Variants in IL1RAPL1 observed in about 807,000 individuals in gnomAD.
IL1RAPL1 encodes interleukin 1 receptor accessory protein like 1, also known as interleukin-1 receptor accessory protein-like 1.
In IL1RAPL1, 3 loss-of-function variants were observed where a neutral mutation model predicts 48.4. The ratio of observed to expected loss-of-function variants is 0.06; its 90% CI spans 0.03 to 0.16. The LOEUF (loss-of-function observed/expected upper bound fraction) is 0.16, where lower values mean the gene tolerates loss of function less well. Ranked by LOEUF, IL1RAPL1 falls within the 10% of genes least tolerant of loss-of-function variation. IL1RAPL1 has a pLI of 1.00. For missense variants in IL1RAPL1, 349 were observed against 530.6 expected (o/e 0.66, Z 3.36); for synonymous variants, 185 against 187.7 (o/e 0.99, Z 0.12).
intron 1 of IL1RAPL1, among the ~76,000 whole-genome samples, chrX:28,779,364 G>A (rs141589608): frequency 0.01 from 1,115 of 108,838 alleles, 18 homozygotes; most frequent in African/African-American, 0.036. Context: ...TGATGATAAT[G>A]TTATGGAAAT....
intron 2 of IL1RAPL1, among the ~76,000 whole-genome samples, chrX:29,258,700 A>G (rs1450828310): frequency 6.3e-5 from 7 of 111,069 alleles, no homozygotes; most frequent in Admixed American, 1.9e-4. Flanking sequence ...CTCTGTTAGC[A>G]TTTATGGGCT....
At chrX:29,673,689 C>G (rs755099889) in intron 6 of IL1RAPL1, among the ~76,000 whole-genome samples, 1 of 111,581 alleles carries the variant, frequency 9.0e-6, no homozygotes, top group South Asian at 3.7e-4. Context: ...ACCTTTTGGA[C>G]AAATAGACAT....
At chrX:29,338,662 G>A (rs934639312) in intron 3 of IL1RAPL1, among the ~76,000 whole-genome samples, 2 of 111,086 alleles carry the variant, frequency 1.8e-5, no homozygotes, top group Non-Finnish European at 3.8e-5. Context: ...GATATTATTA[G>A]TACTTTGTTT....
intron 2 of IL1RAPL1, among the ~76,000 whole-genome samples, chrX:29,263,858 TCTC>T (rs1427219602): frequency 8.2e-5 from 3 of 36,798 alleles, no homozygotes; most frequent in Middle Eastern, 0.015. Context: ...TCTCTCTCTC[TCTC>T]CCCCCCCCCC....
chrX:28,871,470 A>G (rs1434015058), intron 2 of IL1RAPL1, among the ~76,000 whole-genome samples: 3 of 112,121 alleles, frequency 2.7e-5, no homozygotes, highest in Non-Finnish European at 5.6e-5. Flanking sequence ...CACTTGGCTC[A>G]TAAGTGCTTG....
chrX:29,164,609 A>G (rs1929750034), intron 2 of IL1RAPL1, among the ~76,000 whole-genome samples: 1 of 111,751 alleles, frequency 8.9e-6, no homozygotes, highest in Non-Finnish European at 1.9e-5. Context: ...CTTTGAAATC[A>G]AAGTCTAAGT....
intron 2 of IL1RAPL1, among the ~76,000 whole-genome samples, chrX:29,015,574 AAAACC>A (rs1455945975): frequency 9.0e-6 from 1 of 111,480 alleles, no homozygotes; most frequent in East Asian, 2.8e-4. Context: ...CTGGATACCA[AAAACC>A]TTAGTGTCTA....
chrX:28,990,731 T>C (rs904410791), intron 2 of IL1RAPL1, among the ~76,000 whole-genome samples: 1 of 111,863 alleles, frequency 8.9e-6, no homozygotes, highest in African/African-American at 3.2e-5. Context: ...GTCTCCAGTA[T>C]AGAATCAAAA....
intron 6 of IL1RAPL1, among the ~76,000 whole-genome samples, chrX:29,903,285 AAT>A (rs1485783992): frequency 1.8e-5 from 2 of 111,113 alleles, no homozygotes; most frequent in Non-Finnish European, 3.8e-5. Context: ...ACAAAAGATA[AAT>A]ATGTTTTGTA....
intron 5 of IL1RAPL1, among the ~76,000 whole-genome samples, chrX:29,442,807 A>G (rs1457489399): frequency 1.8e-5 from 2 of 109,612 alleles, no homozygotes; most frequent in African/African-American, 6.7e-5. Context: ...GCAGTGAGCC[A>G]TGATCACACC....
At chrX:29,648,844 G>C (rs1456811110) in intron 5 of IL1RAPL1, among the ~76,000 whole-genome samples, 4 of 110,656 alleles carry the variant, frequency 3.6e-5, no homozygotes, top group African/African-American at 6.5e-5. Flanking sequence ...TGAAGCAAAG[G>C]CTTTTTGAAG....
At chrX:29,887,457 T>TAA (rs1932188857) in intron 6 of IL1RAPL1, among the ~76,000 whole-genome samples, 1 of 111,661 alleles carries the variant, frequency 9.0e-6, no homozygotes, top group African/African-American at 3.3e-5. Context: ...ATTTCAACAT[T>TAA]AAAGTTATTT....
At chrX:29,826,189 C>A (rs1930735170) in intron 6 of IL1RAPL1, among the ~76,000 whole-genome samples, 1 of 111,406 alleles carries the variant, frequency 9.0e-6, no homozygotes, top group African/African-American at 3.3e-5. Context: ...CAGTTCAAAT[C>A]TCCAAACCAA....
intron 2 of IL1RAPL1, among the ~76,000 whole-genome samples, chrX:29,079,968 C>A (rs969734450): frequency 1.8e-5 from 2 of 111,550 alleles, no homozygotes; most frequent in Non-Finnish European, 3.8e-5. Context: ...CTCCAAGAAC[C>A]GTCATAGTGA....
intron 3 of IL1RAPL1, among the ~76,000 whole-genome samples, chrX:29,392,363 T>C (rs1933864723): frequency 8.9e-6 from 1 of 112,353 alleles, no homozygotes; most frequent in South Asian, 3.7e-4. Context: ...GCGAGTTTGA[T>C]GATGGTGGAA....
intron 2 of IL1RAPL1, among the ~76,000 whole-genome samples, chrX:29,008,553 A>G (rs999152417): frequency 8.9e-6 from 1 of 112,692 alleles, no homozygotes; most frequent in African/African-American, 3.2e-5. Context: ...ACATAAACAT[A>G]TATCATAATA....
intron 6 of IL1RAPL1, among the ~76,000 whole-genome samples, chrX:29,903,202 G>GAGAC (rs1371617308): frequency 2.3e-4 from 25 of 108,855 alleles, no homozygotes; most frequent in East Asian, 1.4e-3. Context: ...GAGAGAGAGA[G>GAGAC]AGACAAAGAA....
At chrX:29,177,094 A>C (rs1258845591) in intron 2 of IL1RAPL1, among the ~76,000 whole-genome samples, 2 of 111,226 alleles carry the variant, frequency 1.8e-5, no homozygotes, top group Non-Finnish European at 3.8e-5. Flanking sequence ...TCTCCTATAA[A>C]GGGAGATGAC....
At position 29,562,800 on chromosome X, in the gene IL1RAPL1, C is replaced by T. The variant is rs779046206; in HGVS notation, c.704-105630C>T. 2.7e-5 allele frequency among the ~76,000 whole-genome samples: 3 copies of T among 112,058 alleles called. No homozygotes were observed. The South Asian group carries it at 1.1e-3, about 42-fold the overall frequency. On this transcript the variant is annotated intron_variant, in intron 5 of 10. Transcript: ENST00000378993. ...ACTTTGTGGTGTTACATAATCCTCA[C>T]TTTCTAGTTAGTGGCAATCATAAAA...
Sources: gnomAD v4.1 joint callset for allele counts (sites outside exome capture counted in the v4.1 genomes callset) on GRCh38, gnomAD v4.1.1 for gene constraint, MANE v1.5 for transcripts, NCBI Gene and HGNC (gene_info 2026-07-23, HGNC 2026-07-21) for gene names.